Variants in CEP350 observed in about 807,000 individuals in gnomAD.
CEP350 encodes centrosomal protein 350, also known as centrosome-associated protein 350.
CEP350 carries 126 observed loss-of-function variants against 331.8 expected under a neutral mutation model. The ratio of observed to expected loss-of-function variants is 0.38; its 90% confidence interval spans 0.33 to 0.44. The LOEUF is 0.44. Among genes scored for constraint, CEP350 ranks in the 20% least tolerant of loss-of-function variants. CEP350 has a pLI of 1.00. For missense variants in CEP350, 3,406 were observed against 3,634.6 expected (o/e 0.94, Z 1.62); for synonymous variants, 1,200 against 1,259.5 (o/e 0.95, Z 1.00).
chr1:179,969,608 T>G, intron 1 of CEP350: 1 of 317,172 alleles, frequency 3.2e-6, no homozygotes, highest in East Asian at 8.3e-5. Flanking sequence ...ATTTCTTTTT[T>G]CCTTGAAGTT....
Position 180,048,583 on chromosome 1 carries a change from G to A in CEP350, c.4670G>A (p.Cys1557Tyr). ...CAAGAAAGTCCTTCAGTTCCATCTT[G>A]TAAGGAAAATGAGAAGAAACTTAAT... ...SRQESPSVPSCKENEKKLNGE... is the reference protein window; with the variant it reads ...SRQESPSVPSYKENEKKLNGE... Residue 1557 changes from cysteine to tyrosine, a missense_variant, in exon 22 of 38, where the codon TGT becomes TAT. Around this residue, in one of 5 missense-constraint regions of CEP350, gnomAD observed 1,857 missense variants for 1,909.2 expected, o/e 0.97. Coordinates refer to ENST00000367607, the MANE Select transcript of CEP350 (RefSeq NM_014810.5). 6.2e-7 allele frequency: 1 copy of A among 1,610,814 alleles called. No individual in the cohort carries two copies. Among genetic ancestry groups the A allele is most frequent in the Non-Finnish European group, 8.5e-7 (1 of 1,177,172 alleles).
intron 27 of CEP350, among the ~76,000 whole-genome samples, chr1:180,068,882 C>T (rs1196126718): frequency 1.3e-5 from 2 of 152,086 alleles, no homozygotes; most frequent in African/African-American, 4.8e-5. Flanking sequence ...ATATCTAGAT[C>T]AATTGTTAAG....
chr1:180,078,667 G>A lies in CEP350; in HGVS notation c.5972G>A (p.Ser1991Asn). 1 of 1,599,788 alleles carries A rather than the reference G, an allele frequency of 6.3e-7. No homozygotes were observed. The highest frequency in any genetic ancestry group is 1.3e-5 in the African/African-American group (1 of 74,638). The change falls in exon 29 of 38, where the codon AGT becomes AAT. Residue 1991 changes from serine to asparagine, a missense_variant. Physicochemically the swap from Ser to Asn is conservative, Grantham distance 46. This residue lies in a region of CEP350 where 1,415 missense variants were observed against 1,512.3 expected (regional missense o/e 0.94). Transcript: ENST00000367607. ...GAACTAGAATCTTCTACCTCTCCTAGTAAACATGTAAGTTAATGTATATTT... is the reference window on the plus strand; with the variant it reads ...GAACTAGAATCTTCTACCTCTCCTAATAAACATGTAAGTTAATGTATATTT... ...SQELESSTSP[S>N]KHSLPKSCTS...
At chr1:179,962,075 G>A (rs1403925577) in intron 1 of CEP350, among the ~76,000 whole-genome samples, 1 of 151,854 alleles carries the variant, frequency 6.6e-6, no homozygotes, top group African/African-American at 2.4e-5. Flanking sequence ...TCAAACTTGT[G>A]AGCTCAAGTG....
rs78685936 is a variant in CEP350 at position 180,053,718 on chromosome 1, A to T, written c.4990-32A>T. On this transcript the variant is annotated intron_variant, in intron 23 of 37. Coordinates refer to ENST00000367607, the MANE Select transcript of CEP350 (RefSeq NM_014810.5). ...GAATTAAGTACCAAAAGGTTAGATG[A>T]TGATAAACAAGAAAGAAACCATCTA... 7.4e-3 allele frequency: 10,112 copies of T among 1,368,620 alleles called. 43 individuals carry two copies. Among genetic ancestry groups the T allele is most frequent in the Middle Eastern group, 0.014 (75 of 5,238 alleles). The allele number at this position is 1,368,620 out of a possible 1,614,324, so 84.8% of individuals were successfully genotyped here.
intron 25 of CEP350, among the ~76,000 whole-genome samples, chr1:180,055,377 T>A (rs1657754898): frequency 6.6e-6 from 1 of 152,092 alleles, no homozygotes. Context: ...AAGTATTCAA[T>A]AGATTCCAGT....
chr1:180,041,472 G>A (rs1049377956), intron 18 of CEP350, among the ~76,000 whole-genome samples, 190 bp from the exon 19 acceptor site: 2 of 152,104 alleles, frequency 1.3e-5, no homozygotes, highest in African/African-American at 4.8e-5. Context: ...ACTGAGGTAC[G>A]TTGTATTTAT....
chr1:180,040,558 G>A (rs974409356), intron 17 of CEP350, among the ~76,000 whole-genome samples: 1 of 151,692 alleles, frequency 6.6e-6, no homozygotes, highest in Non-Finnish European at 1.5e-5. Context: ...AAAGTGCTGG[G>A]ATTGCAGACA....
chr1:180,080,666 G>T lies in CEP350; in HGVS notation c.6124+5G>T, dbSNP rs1184700678. On this transcript the variant is annotated splice_donor_5th_base_variant and intron_variant, in intron 30 of 37. Transcript: ENST00000367607. ...CATTATCTATGACACAGTCAGGTAA[G>T]ACTAATCATGAGGAGTTTTTATTTG... 4 of 1,612,320 alleles carry T rather than the reference G, an allele frequency of 2.5e-6. No individual in the cohort carries two copies. The highest frequency in any genetic ancestry group is 8.5e-7 in the Non-Finnish European group (1 of 1,178,746).
chr1:179,959,247 A>G (rs575183314), intron 1 of CEP350, among the ~76,000 whole-genome samples: 1 of 152,324 alleles, frequency 6.6e-6, no homozygotes, highest in African/African-American at 2.4e-5. Context: ...ACTTGAGGTC[A>G]GGAGTTCGAG....
chr1:180,004,177 A>G (rs1206321080), intron 7 of CEP350, among the ~76,000 whole-genome samples: 1 of 152,088 alleles, frequency 6.6e-6, no homozygotes. Context: ...ACTTCTCTTT[A>G]TTGGTTTTTT....
intron 1 of CEP350, 56 bp downstream of exon 1, chr1:179,955,198 C>G (rs1650074315): frequency 1.1e-5 from 14 of 1,264,116 alleles, no homozygotes; most frequent in Non-Finnish European, 1.3e-5. Flanking sequence ...CCTCAACTGT[C>G]TCTGTCCGCG....
At chr1:179,961,091 TTATACG>T (rs1368647324) in intron 1 of CEP350, among the ~76,000 whole-genome samples, 1 of 152,224 alleles carries the variant, frequency 6.6e-6, no homozygotes, top group African/African-American at 2.4e-5. Context: ...TAGATGTGTG[TTATACG>T]TGTATGTGTA....
chr1:179,977,963 TATAAA>T (rs1171075230), intron 1 of CEP350, among the ~76,000 whole-genome samples: 4 of 150,470 alleles, frequency 2.7e-5, no homozygotes, highest in South Asian at 4.1e-4. Context: ...AAATATATTT[TATAAA>T]ATAAAATATG....
intron 8 of CEP350, among the ~76,000 whole-genome samples, chr1:180,010,465 G>A (rs985917295): frequency 6.7e-6 from 1 of 149,112 alleles, no homozygotes; most frequent in Non-Finnish European, 1.5e-5. Flanking sequence ...GTAATGTGTA[G>A]GCAGAATGAT....
In CEP350 at chr1:180,092,613, G is replaced by T; in HGVS notation, c.6509-1G>T. 6.7e-7 allele frequency: 1 copy of T among 1,498,084 alleles called. No homozygotes were observed. Among genetic ancestry groups the T allele is most frequent in the Non-Finnish European group, 8.9e-7 (1 of 1,120,530 alleles). 92.8% of individuals were successfully genotyped at this position (1,498,084 alleles called of 1,614,324 possible). A position where few individuals can be genotyped will look rare whatever the true frequency, so the allele number is the denominator to read the frequency against. On this transcript the variant is annotated splice_acceptor_variant, in intron 33 of 37. Transcript: ENST00000367607. LOFTEE classifies it high-confidence loss of function. ...ATGTGGTGATTTGTTTTTTCTTTAA[G>T]ATGCTTCACTGTCTGGTTCTGAGAG... is the stretch of plus-strand genomic sequence containing the variant.
rs1442676433 is a variant in CEP350, at chr1:180,092,785, C to G, written c.6680C>G (p.Pro2227Arg). 6.3e-7 allele frequency: 1 copy of G among 1,579,526 alleles called. No individual in the cohort carries two copies. Among genetic ancestry groups the G allele is most frequent in the East Asian group, 2.3e-5 (1 of 43,656 alleles). ...TCTGGAGATTCTCTAGAAAATGTAC[C>G]TGCATTACATCTTCTCAAAGAATTA... ...EESGDSLENV[P>R]ALHLLKELNA... Residue 2227 changes from proline to arginine, a missense_variant, in exon 34 of 38, where the codon CCT becomes CGT. Pro to Arg is a moderately radical substitution (Grantham distance 103, BLOSUM62 -2). Transcript: ENST00000367607.
chr1:180,081,910 A>G (rs1219043135), intron 30 of CEP350, among the ~76,000 whole-genome samples: 1 of 152,226 alleles, frequency 6.6e-6, no homozygotes, highest in Non-Finnish European at 1.5e-5. Context: ...CCAGTTGAAG[A>G]AAGTTGTCTC....
intron 20 of CEP350, 48 bp from the exon 21 acceptor site, chr1:180,044,002 CT>C: frequency 6.9e-7 from 1 of 1,444,924 alleles, no homozygotes. Flanking sequence ...TAAAATCTTT[CT>C]GTTATTAGAG....
Sources: gnomAD v4.1 joint callset for allele counts (sites outside exome capture counted in the v4.1 genomes callset) on GRCh38, gnomAD v4.1.1 for gene constraint, gnomAD v4.1.1 regional missense constraint, MANE v1.5 for transcripts, NCBI Gene and HGNC (gene_info 2026-07-23, HGNC 2026-07-21) for gene names.